Variants in MGAT4D observed in about 807,000 individuals in gnomAD.
MGAT4D encodes alpha-1,3-mannosyl-glycoprotein 4-beta-N-acetylglucosaminyltransferase-like protein MGAT4D.
In MGAT4D, 34 loss-of-function variants were observed where a neutral mutation model predicts 15.9. The observed-to-expected ratio is 2.14, with a 90% confidence interval of 1.62 to 2.84. The LOEUF (loss-of-function observed/expected upper bound fraction) is 2.84. Among genes scored for constraint, MGAT4D ranks in the 30% most tolerant of loss-of-function variants. The pLI is 0.00. For missense variants in MGAT4D, 327 were observed against 140.2 expected (o/e 2.33, Z -6.73); for synonymous variants, 112 against 48.2 (o/e 2.33, Z -5.49).
intron 8 of MGAT4D, chr4:140,458,549 C>T (rs1422897180): frequency 1.3e-5 from 2 of 152,156 alleles, no homozygotes; most frequent in East Asian, 1.9e-4. Flanking sequence ...TGCATGATCT[C>T]TATGTGCAAA....
rs1732806388 is a variant in MGAT4D, at chr4:140,482,469, G to A, written c.111C>T (p.Asn37=). Residue 37 remains asparagine (N), a synonymous_variant, in exon 2 of 11, where the codon AAC becomes AAT. Transcript: ENST00000511113. ...RITQTNNQLI[N]CRNHILEFKE... ...TAAACTCCAAAATATGGTTTCTACAGTTAATTAATTGATTATCTGCAATGA... is the reference window on the plus strand; with the variant it reads ...TAAACTCCAAAATATGGTTTCTACAATTAATTAATTGATTATCTGCAATGA... 1.6e-6 allele frequency: 1 copy of A among 629,512 alleles called. No homozygotes were observed. The highest frequency in any genetic ancestry group is 1.9e-5 in the African/African-American group (1 of 52,610). The allele number at this position is 629,512 out of a possible 1,614,324, so 39.0% of individuals were successfully genotyped here.
chr4:140,474,647 A>G (rs1732193766), intron 4 of MGAT4D, among the ~76,000 whole-genome samples, 166 bp downstream of exon 4: 1 of 152,212 alleles, frequency 6.6e-6, no homozygotes, highest in Admixed American at 6.5e-5. Context: ...GCAGTATCGA[A>G]GAAGTATTAA....
chr4:140,458,790 A>T lies in MGAT4D; in HGVS notation c.877+722T>A, dbSNP rs541428929. The T allele has an allele frequency of 3.3e-5, 5 of 152,342 alleles. 1 individual carries two copies. Among genetic ancestry groups the T allele is most frequent in the African/African-American group, 1.2e-4 (5 of 41,586 alleles). 9.4% of individuals were successfully genotyped at this position (152,342 alleles called of 1,614,324 possible). ...GTATATTTATAAGTGTATTTTGAACATATTAGAGTGAACAATATATTGAAG... is the reference window on the plus strand; with the variant it reads ...GTATATTTATAAGTGTATTTTGAACTTATTAGAGTGAACAATATATTGAAG... On this transcript the variant is annotated intron_variant, in intron 8 of 10. Coordinates refer to ENST00000511113, the MANE Select transcript of MGAT4D (RefSeq NM_001277353.2).
intron 3 of MGAT4D, among the ~76,000 whole-genome samples, chr4:140,476,893 T>C (rs768494297): frequency 2.6e-5 from 4 of 152,202 alleles, no homozygotes; most frequent in Non-Finnish European, 4.4e-5. Context: ...CTCATTCCTA[T>C]CTAGAATGTC....
Position 140,482,345 on chromosome 4 carries a change from T to C in MGAT4D, c.235A>G (p.Ile79Val), listed in dbSNP as rs1037436494. 1.6e-6 allele frequency: 1 copy of C among 627,750 alleles called. No homozygotes were observed. The highest frequency in any genetic ancestry group is 2.9e-5 in the East Asian group (1 of 34,082). 38.9% of individuals were successfully genotyped at this position (627,750 alleles called of 1,614,324 possible). A position where few individuals can be genotyped will look rare whatever the true frequency, so the allele number is the denominator to read the frequency against. ...CACAAACCTAAGTTTCCTGACAAAA[T>C]TTCTCTCTTTGTAATTTCATACTTC... ...RMKYEITKRE[I>V]LSGNLVAQKA... The change falls in exon 2 of 11, where the codon ATT becomes GTT. Residue 79 changes from isoleucine to valine, a missense_variant. Coordinates refer to ENST00000511113, the MANE Select transcript of MGAT4D (RefSeq NM_001277353.2).
chr4:140,473,024 T>A (rs1168238952), intron 4 of MGAT4D, among the ~76,000 whole-genome samples: 1 of 152,112 alleles, frequency 6.6e-6, no homozygotes, highest in Non-Finnish European at 1.5e-5. Context: ...TAAAGGTTCT[T>A]CTTAATCCCA....
At chr4:140,493,436 C>G (rs778870582) in intron 1 of MGAT4D, among the ~76,000 whole-genome samples, 1 of 151,816 alleles carries the variant, frequency 6.6e-6, no homozygotes, top group East Asian at 1.9e-4. Context: ...GCTGGGACTA[C>G]AGTCGCCCAC....
At chr4:140,489,629 C>T (rs941762770) in intron 1 of MGAT4D, among the ~76,000 whole-genome samples, 1 of 152,152 alleles carries the variant, frequency 6.6e-6, no homozygotes, top group East Asian at 1.9e-4. Context: ...AAACTCTGTA[C>T]TTGCTTCTTT....
intron 6 of MGAT4D, among the ~76,000 whole-genome samples, chr4:140,464,353 T>C (rs1731387886): frequency 6.6e-6 from 1 of 152,212 alleles, no homozygotes; most frequent in African/African-American, 2.4e-5. Context: ...TTTTAATTTT[T>C]TAAGATTCTT....
intron 6 of MGAT4D, among the ~76,000 whole-genome samples, chr4:140,463,102 C>A (rs1301777394): frequency 2.6e-5 from 4 of 152,074 alleles, no homozygotes; most frequent in African/African-American, 9.7e-5. Context: ...TTTAGCCTTA[C>A]CTAGAGCTGA....
At chr4:140,458,384 T>C (rs1730947223) in intron 8 of MGAT4D, 1 of 152,154 alleles carries the variant, frequency 6.6e-6, no homozygotes, top group East Asian at 1.9e-4. Context: ...TAAATCCACA[T>C]GACATTTAAC....
chr4:140,482,160 TG>T (rs1215336096), intron 2 of MGAT4D, among the ~76,000 whole-genome samples, 166 bp downstream of exon 2: 2 of 152,226 alleles, frequency 1.3e-5, no homozygotes, highest in African/African-American at 4.8e-5. Flanking sequence ...GAGGTCAAGA[TG>T]AGAAGAAGTA....
chr4:140,474,760 ATT>A, intron 4 of MGAT4D, 51 bp downstream of exon 4: 1 of 521,018 alleles, frequency 1.9e-6, no homozygotes, highest in East Asian at 3.2e-5. Context: ...GAGGAAGGGA[ATT>A]TGGAGACCAT....
chr4:140,493,906 G>T (rs1228147999), intron 1 of MGAT4D, among the ~76,000 whole-genome samples: 1 of 152,188 alleles, frequency 6.6e-6, no homozygotes, highest in African/African-American at 2.4e-5. Context: ...CTTTGCTGGG[G>T]TGTCAGACAT....
At chr4:140,497,587 G>A (rs2110756186) in intron 1 of MGAT4D, among the ~76,000 whole-genome samples, 1 of 152,296 alleles carries the variant, frequency 6.6e-6, no homozygotes. Context: ...AAGTCCAGGC[G>A]CTGGGCCGGC....
At chr4:140,484,158 A>G (rs1314871367) in intron 1 of MGAT4D, among the ~76,000 whole-genome samples, 4 of 152,310 alleles carry the variant, frequency 2.6e-5, no homozygotes, top group South Asian at 4.1e-4. Context: ...CAAACCATAC[A>G]TCTGAAAAGA....
At chr4:140,478,269 A>G (rs1732471554) in intron 3 of MGAT4D, among the ~76,000 whole-genome samples, 1 of 152,110 alleles carries the variant, frequency 6.6e-6, no homozygotes, top group Non-Finnish European at 1.5e-5. Context: ...GCTCCACCCA[A>G]ACACCACCAT....
At chr4:140,472,444 T>C (rs1263275076) in intron 4 of MGAT4D, among the ~76,000 whole-genome samples, 3 of 152,184 alleles carry the variant, frequency 2.0e-5, no homozygotes, top group Non-Finnish European at 4.4e-5. Flanking sequence ...TCAGGGCCCA[T>C]AAGCATTTCC....
intron 7 of MGAT4D, 31 bp downstream of exon 7, chr4:140,461,880 TACACACACACACACACAC>T (rs10644682): frequency 1.3e-4 from 67 of 535,376 alleles, no homozygotes; most frequent in Non-Finnish European, 2.7e-5. Context: ...AATTGGTGTA[TACACACACACACACACAC>T]ACACACACAC....
Sources: gnomAD v4.1 joint callset for allele counts (sites outside exome capture counted in the v4.1 genomes callset) on GRCh38, gnomAD v4.1.1 for gene constraint, MANE v1.5 for transcripts, NCBI Gene and HGNC (gene_info 2026-07-23, HGNC 2026-07-21) for gene names.